Variants in GRIP1 observed in about 807,000 individuals in gnomAD.
GRIP1 encodes glutamate receptor interacting protein 1.
In GRIP1, 45 loss-of-function variants were observed where a neutral mutation model predicts 129.9. The observed-to-expected ratio is 0.35, with a 90% CI of 0.27 to 0.44. GRIP1 has a LOEUF of 0.44. Among genes scored for constraint, GRIP1 ranks in the 20% least tolerant of loss-of-function variants. The pLI, the probability that GRIP1 is intolerant of heterozygous loss-of-function variation, is 1.00. For missense variants in GRIP1, 1,196 were observed against 1,396.8 expected (o/e 0.86, Z 2.29); for synonymous variants, 530 against 520.8 (o/e 1.02, Z -0.24).
intron 1 of GRIP1, among the ~76,000 whole-genome samples, chr12:67,051,893 C>T (rs1464230695): frequency 1.3e-5 from 2 of 152,158 alleles, no homozygotes; most frequent in Non-Finnish European, 2.9e-5. Context: ...AGTTTAGTAT[C>T]TTTATTGTCT....
chr12:66,976,510 A>G (rs2042153961), intron 1 of GRIP1, among the ~76,000 whole-genome samples: 1 of 152,186 alleles, frequency 6.6e-6, no homozygotes, highest in Admixed American at 6.5e-5. Flanking sequence ...TTTCACCTCC[A>G]AATGCCTTGT....
intron 1 of GRIP1, among the ~76,000 whole-genome samples, chr12:66,819,029 G>GTT (rs1400268864): frequency 6.6e-6 from 1 of 152,174 alleles, no homozygotes; most frequent in Admixed American, 6.5e-5. Flanking sequence ...TCTTTTACAT[G>GTT]TATTTAGTTT....
At chr12:66,508,384 C>T (rs1011003149) in intron 7 of GRIP1, among the ~76,000 whole-genome samples, 5 of 152,088 alleles carry the variant, frequency 3.3e-5, no homozygotes, top group Admixed American at 2.0e-4. Context: ...AGTGTCCCCA[C>T]AGAGTTTGTA....
intron 11 of GRIP1, among the ~76,000 whole-genome samples, chr12:66,451,530 G>A (rs113490561): frequency 0.23 from 34,831 of 150,008 alleles, 4,506 homozygotes; most frequent in Middle Eastern, 0.43. Flanking sequence ...CAGCCCCCCA[G>A]GTAGCTGGGA....
At chr12:66,416,888 A>C (rs948113736) in intron 15 of GRIP1, among the ~76,000 whole-genome samples, 8 of 151,996 alleles carry the variant, frequency 5.3e-5, no homozygotes, top group African/African-American at 1.7e-4. Context: ...GGAGGGAATG[A>C]TTCCAAACTC....
chr12:66,982,931 T>A (rs775998178), intron 1 of GRIP1, among the ~76,000 whole-genome samples: 18 of 152,214 alleles, frequency 1.2e-4, no homozygotes, highest in Non-Finnish European at 1.9e-4. Flanking sequence ...TTATAAGATG[T>A]AAGCAGAAGT....
At chr12:66,726,242 T>G (rs2136472231) in intron 1 of GRIP1, among the ~76,000 whole-genome samples, 1 of 152,278 alleles carries the variant, frequency 6.6e-6, no homozygotes, top group East Asian at 1.9e-4. Flanking sequence ...CTTTACAATA[T>G]TGTAAGGCAG....
chr12:66,867,229 TC>T (rs2040221259), intron 1 of GRIP1, among the ~76,000 whole-genome samples: 1 of 152,010 alleles, frequency 6.6e-6, no homozygotes, highest in African/African-American at 2.4e-5. Context: ...CCTCAGGTGA[TC>T]CGCCCGCCTC....
chr12:66,468,009 A>T (rs1565771867), intron 7 of GRIP1, among the ~76,000 whole-genome samples: 1 of 152,220 alleles, frequency 6.6e-6, no homozygotes, highest in Non-Finnish European at 1.5e-5. Flanking sequence ...AATGACAGAA[A>T]CTGCTAGGTG....
chr12:66,945,075 G>A (rs2041646160), intron 1 of GRIP1, among the ~76,000 whole-genome samples: 5 of 152,140 alleles, frequency 3.3e-5, no homozygotes, highest in African/African-American at 1.2e-4. Flanking sequence ...TTACAGATGT[G>A]AGCCACCGTG....
chr12:66,432,304 T>C (rs2058171947), intron 14 of GRIP1, among the ~76,000 whole-genome samples: 1 of 152,184 alleles, frequency 6.6e-6, no homozygotes, highest in South Asian at 2.1e-4. Context: ...AACAATCCTA[T>C]ATTTTCTAGC....
chr12:66,956,370 T>C (rs1197121071), intron 1 of GRIP1, among the ~76,000 whole-genome samples: 1 of 152,164 alleles, frequency 6.6e-6, no homozygotes, highest in African/African-American at 2.4e-5. Context: ...AATTACCCTC[T>C]CATTTCAATA....
intron 2 of GRIP1, chr12:66,568,133 AC>A: frequency 3.6e-6 from 1 of 276,126 alleles, no homozygotes. Context: ...GTTTTTGGAA[AC>A]CCAGGGAACT....
chr12:66,405,064 GT>G (rs2057143156), intron 16 of GRIP1, among the ~76,000 whole-genome samples: 1 of 152,038 alleles, frequency 6.6e-6, no homozygotes, highest in Non-Finnish European at 1.5e-5. Flanking sequence ...AACATCTACT[GT>G]TAATTACCTA....
intron 1 of GRIP1, among the ~76,000 whole-genome samples, chr12:66,901,281 G>C (rs766037625): frequency 1.3e-5 from 2 of 152,098 alleles, no homozygotes; most frequent in African/African-American, 4.8e-5. Context: ...ATGATGAGGG[G>C]AACAAAATAT....
At chr12:66,713,144 C>A (rs1163740459) in intron 1 of GRIP1, among the ~76,000 whole-genome samples, 1 of 151,966 alleles carries the variant, frequency 6.6e-6, no homozygotes, top group Non-Finnish European at 1.5e-5. Flanking sequence ...TCAAAAATGT[C>A]ATTTATTAAT....
chr12:66,578,232 G>GTTT (rs547352236), intron 2 of GRIP1, among the ~76,000 whole-genome samples: 1,752 of 102,452 alleles, frequency 0.017, 94 homozygotes, highest in African/African-American at 0.061. Context: ...CAAAACCGCG[G>GTTT]TTTTTTTTTT....
At chr12:66,585,522 T>C (rs1358011345) in intron 2 of GRIP1, among the ~76,000 whole-genome samples, 2 of 140,902 alleles carry the variant, frequency 1.4e-5, no homozygotes, top group South Asian at 2.3e-4. Flanking sequence ...TTTGGGTTGG[T>C]TGCAAGTCTT....
intron 1 of GRIP1, among the ~76,000 whole-genome samples, chr12:66,708,827 T>C (rs1321962430): frequency 1.3e-5 from 2 of 151,866 alleles, no homozygotes; most frequent in Non-Finnish European, 2.9e-5. Context: ...TACTTTTTCT[T>C]TGAATGCCCT....
Sources: allele counts gnomAD v4.1 joint callset (sites outside exome capture counted in the v4.1 genomes callset), GRCh38; gene constraint gnomAD v4.1.1; transcripts MANE v1.5; gene names NCBI Gene and HGNC (gene_info 2026-07-23, HGNC 2026-07-21).